PRR16: variants seen among roughly 807,000 people sequenced by gnomAD.
The protein encoded by PRR16 is proline rich 16.
A neutral mutation model predicts 18.2 loss-of-function variants in PRR16; 6 were observed. The ratio of observed to expected loss-of-function variants is 0.33; its 90% confidence interval spans 0.18 to 0.65. PRR16 has a LOEUF of 0.65. Ranked by LOEUF, PRR16 falls within the 30% of genes least tolerant of loss-of-function variation. The pLI is 0.74. For synonymous variants in PRR16, 151 were observed against 147.8 expected, an observed-to-expected ratio of 1.02 and a Z score of -0.16; for missense variants, 412 against 376.6, an observed-to-expected ratio of 1.09 and a Z score of -0.78.
chr5:120,653,767 C>T (rs1428521048), intron 1 of PRR16, among the ~76,000 whole-genome samples: 2 of 152,016 alleles, frequency 1.3e-5, no homozygotes, highest in Admixed American at 6.6e-5. Context: ...CCCTGATGGG[C>T]AGCCCTCTTG....
chr5:120,656,130 T>C (rs909028074), intron 1 of PRR16, among the ~76,000 whole-genome samples: 1 of 151,854 alleles, frequency 6.6e-6, no homozygotes, highest in Non-Finnish European at 1.5e-5. Context: ...CAAAATATCA[T>C]CACCACCTTT....
At chr5:120,765,033 A>G in the PRR16 span, among the ~76,000 whole-genome samples, 2 of 152,008 alleles carry the variant, frequency 1.3e-5, no homozygotes, top group African/African-American at 4.8e-5. Flanking sequence ...CCCTTTCCCA[A>G]GATGTTTGAA....
chr5:120,671,414 G>A (rs1378794981), intron 1 of PRR16, among the ~76,000 whole-genome samples: 2 of 152,034 alleles, frequency 1.3e-5, no homozygotes, highest in South Asian at 2.1e-4. Flanking sequence ...ACATGCAGTA[G>A]TGTTATCAGT....
At chr5:120,592,696 G>C (rs1291980816) in intron 1 of PRR16, among the ~76,000 whole-genome samples, 3 of 151,930 alleles carry the variant, frequency 2.0e-5, no homozygotes, top group Admixed American at 1.3e-4. Flanking sequence ...GGAGATTTTT[G>C]TCTCCATAAC....
intron 1 of PRR16, among the ~76,000 whole-genome samples, chr5:120,593,996 G>C (rs749468411): frequency 6.6e-6 from 1 of 151,676 alleles, no homozygotes; most frequent in Non-Finnish European, 1.5e-5. Flanking sequence ...CAGAAGGAAC[G>C]TACTTCAAAA....
intron 1 of PRR16, among the ~76,000 whole-genome samples, chr5:120,646,832 G>C (rs1755617240): frequency 6.6e-6 from 1 of 151,650 alleles, no homozygotes; most frequent in African/African-American, 2.4e-5. Flanking sequence ...AAATAGGAAA[G>C]GAATAAATTA....
chr5:120,714,963 GAAC>G, the PRR16 span, among the ~76,000 whole-genome samples: 1 of 152,076 alleles, frequency 6.6e-6, no homozygotes, highest in African/African-American at 2.4e-5. Flanking sequence ...ACAGGGAGGA[GAAC>G]AACACACACC....
chr5:120,650,414 G>A (rs1321990584), intron 1 of PRR16, among the ~76,000 whole-genome samples: 2 of 150,618 alleles, frequency 1.3e-5, no homozygotes, highest in Non-Finnish European at 3.0e-5. Flanking sequence ...TGCCATGTTG[G>A]TGTGCTGCAC....
chr5:120,482,146 A>C (rs1749639057), intron 1 of PRR16, among the ~76,000 whole-genome samples: 1 of 152,068 alleles, frequency 6.6e-6, no homozygotes, highest in Non-Finnish European at 1.5e-5. Flanking sequence ...TTCAGCTTTT[A>C]TTTTACATTC....
chr5:120,492,716 A>G (rs965113924), intron 1 of PRR16, among the ~76,000 whole-genome samples: 2 of 152,054 alleles, frequency 1.3e-5, no homozygotes, highest in African/African-American at 4.8e-5. Flanking sequence ...CTGCCCCTTG[A>G]CATCGCCCAT....
chr5:120,752,863 A>G, the PRR16 span, among the ~76,000 whole-genome samples: 1 of 149,972 alleles, frequency 6.7e-6, no homozygotes, highest in East Asian at 2.7e-4. Context: ...AATAATGTAT[A>G]TAATATATTT....
the PRR16 span, among the ~76,000 whole-genome samples, chr5:120,729,930 G>A: frequency 6.6e-6 from 1 of 152,150 alleles, no homozygotes; most frequent in East Asian, 1.9e-4. Context: ...TTTGCTCTGT[G>A]GGTCCAGATA....
chr5:120,701,961 A>G, the PRR16 span, among the ~76,000 whole-genome samples: 1 of 152,170 alleles, frequency 6.6e-6, no homozygotes, highest in African/African-American at 2.4e-5. Context: ...GCATTGCAGA[A>G]GAAAATAAGG....
intron 1 of PRR16, among the ~76,000 whole-genome samples, chr5:120,472,773 T>C (rs938835597): frequency 6.6e-6 from 1 of 152,144 alleles, no homozygotes; most frequent in African/African-American, 2.4e-5. Flanking sequence ...TAGGATGTGA[T>C]GTCAGTGTGA....
intron 1 of PRR16, among the ~76,000 whole-genome samples, chr5:120,547,101 G>A (rs1351140505): frequency 1.3e-5 from 2 of 152,042 alleles, no homozygotes; most frequent in African/African-American, 4.8e-5. Flanking sequence ...GGAAGTGGGA[G>A]TGTCTTCATG....
downstream of PRR16, among the ~76,000 whole-genome samples, chr5:120,689,740 G>A (rs540176530): frequency 4.5e-4 from 68 of 149,758 alleles, no homozygotes; most frequent in Admixed American, 6.6e-4. Flanking sequence ...AATTAAATTG[G>A]AATAAACAGG....
At chr5:120,775,802 T>A in the PRR16 span, among the ~76,000 whole-genome samples, 1 of 145,528 alleles carries the variant, frequency 6.9e-6, no homozygotes, top group Non-Finnish European at 1.5e-5. Context: ...GGCTATTTTT[T>A]TTTTTTTTTT....
At chr5:120,709,842 C>T in the PRR16 span, among the ~76,000 whole-genome samples, 1 of 152,082 alleles carries the variant, frequency 6.6e-6, no homozygotes, top group African/African-American at 2.4e-5. Context: ...AATAATATTC[C>T]ATTGTATTTA....
intron 1 of PRR16, among the ~76,000 whole-genome samples, chr5:120,587,370 A>G (rs11241556): frequency 0.36 from 54,611 of 152,090 alleles, 10,306 homozygotes; most frequent in East Asian, 0.73. Flanking sequence ...TTGAAAGAAG[A>G]TGCCACCTAG....
Sources: gnomAD v4.1 joint callset for allele counts (sites outside exome capture counted in the v4.1 genomes callset) on GRCh38, gnomAD v4.1.1 for gene constraint, MANE v1.5 for transcripts, NCBI Gene and HGNC (gene_info 2026-07-23, HGNC 2026-07-21) for gene names.